Variants in TRPC1 observed in about 807,000 individuals in gnomAD.
TRPC1 encodes transient receptor potential cation channel subfamily C member 1.
In TRPC1, 42 loss-of-function variants were observed where a neutral mutation model predicts 88.2. That is an observed-to-expected ratio of 0.48 (90% CI 0.37 to 0.62). The LOEUF is 0.62. Among genes scored for constraint, TRPC1 ranks in the 20% least tolerant of loss-of-function variants. TRPC1 has a pLI of 0.00. For missense variants in TRPC1, 699 were observed against 957.3 expected, an observed-to-expected ratio of 0.73 and a Z score of 3.56; for synonymous variants, 288 against 331.8, an observed-to-expected ratio of 0.87 and a Z score of 1.43.
intron 9 of TRPC1, among the ~76,000 whole-genome samples, chr3:142,793,502 A>C (rs1308242206): frequency 6.6e-6 from 1 of 152,048 alleles, no homozygotes; most frequent in Non-Finnish European, 1.5e-5. Flanking sequence ...TATATTTTAT[A>C]ATACTTTATA....
chr3:142,760,543 A>C (rs530708505), intron 4 of TRPC1, among the ~76,000 whole-genome samples: 1 of 152,158 alleles, frequency 6.6e-6, no homozygotes, highest in Non-Finnish European at 1.5e-5. Flanking sequence ...CTTTTTGCTT[A>C]GGATTACTTT....
intron 6 of TRPC1, among the ~76,000 whole-genome samples, chr3:142,784,298 C>T (rs1936060566): frequency 7.5e-6 from 1 of 133,526 alleles, no homozygotes; most frequent in Admixed American, 6.9e-5. Flanking sequence ...GAAAAAATGG[C>T]TAAGTAAGCT....
At chr3:142,798,598 T>C (rs1456101141) in intron 9 of TRPC1, among the ~76,000 whole-genome samples, 1 of 152,142 alleles carries the variant, frequency 6.6e-6, no homozygotes, top group African/African-American at 2.4e-5. Context: ...CATGGTGTGC[T>C]TAGAGAAGAC....
At chr3:142,790,348 C>T (rs1352671267) in intron 7 of TRPC1, among the ~76,000 whole-genome samples, 5 of 152,078 alleles carry the variant, frequency 3.3e-5, no homozygotes, top group Non-Finnish European at 7.4e-5. Flanking sequence ...GGTTTTGATT[C>T]TGAGTAAAAT....
chr3:142,729,715 C>T (rs938257917), intron 1 of TRPC1, among the ~76,000 whole-genome samples: 2 of 152,124 alleles, frequency 1.3e-5, no homozygotes, highest in African/African-American at 4.8e-5. Context: ...ATATCTTCTT[C>T]ATTGCTAACT....
intron 4 of TRPC1, among the ~76,000 whole-genome samples, chr3:142,761,504 A>G (rs1185535537): frequency 1.3e-5 from 2 of 152,160 alleles, no homozygotes; most frequent in Admixed American, 6.5e-5. Flanking sequence ...TATTATATCA[A>G]TATATCAAAG....
intron 2 of TRPC1, among the ~76,000 whole-genome samples, chr3:142,738,259 T>A (rs1204910706): frequency 6.6e-6 from 1 of 152,242 alleles, no homozygotes; most frequent in African/African-American, 2.4e-5. Context: ...TCTAGTTCAC[T>A]GTGTTCTGTC....
intron 7 of TRPC1, among the ~76,000 whole-genome samples, chr3:142,789,239 C>T (rs1417978956): frequency 6.6e-6 from 1 of 152,080 alleles, no homozygotes; most frequent in Non-Finnish European, 1.5e-5. Context: ...TGTTTCTGCT[C>T]CACAGCTCTG....
chr3:142,781,096 G>A, intron 6 of TRPC1, 67 bp downstream of exon 6: 1 of 1,330,372 alleles, frequency 7.5e-7, no homozygotes, highest in Admixed American at 2.8e-5. Context: ...CAGGGCAAAG[G>A]CTTTGGAGTA....
chr3:142,764,679 C>A (rs1461982020), intron 4 of TRPC1, among the ~76,000 whole-genome samples: 1 of 151,900 alleles, frequency 6.6e-6, no homozygotes, highest in Non-Finnish European at 1.5e-5. Flanking sequence ...TTTTCTGTAG[C>A]TGATTTTAGG....
chr3:142,759,312 T>C (rs753486274), intron 4 of TRPC1, among the ~76,000 whole-genome samples: 63 of 152,328 alleles, frequency 4.1e-4, no homozygotes, highest in Middle Eastern at 3.4e-3. Context: ...AGTATTCCTG[T>C]TTCTCTACAT....
At chr3:142,800,368 T>C (rs1315464288) in intron 9 of TRPC1, among the ~76,000 whole-genome samples, 1 of 152,156 alleles carries the variant, frequency 6.6e-6, no homozygotes, top group Non-Finnish European at 1.5e-5. Flanking sequence ...TGGCAGAGTC[T>C]GGGTTACTAG....
intron 11 of TRPC1, 94 bp downstream of exon 11, chr3:142,804,272 A>T: frequency 8.2e-7 from 1 of 1,226,208 alleles, no homozygotes; most frequent in African/African-American, 1.5e-5. Flanking sequence ...GATTATAAGA[A>T]TTGAAAAATA....
chr3:142,791,032 A>C lies in TRPC1; in HGVS notation c.1311A>C (p.Ser437=). The part of the protein sequence containing the change: ...LILWIIGMIW[S]DIKRLWYEGL... ...TCCTTTTCTCAGGGATGATTTGGTC[A>C]GACATTAAAAGACTCTGGTATGAAG... The change falls in exon 8 of 13, where the codon TCA becomes TCC. Residue 437 remains serine (S), a synonymous_variant. Transcript: ENST00000476941. The C allele has an allele frequency of 6.3e-7, 1 of 1,594,472 alleles. No homozygotes were observed. The highest frequency in any genetic ancestry group is 8.5e-7 in the Non-Finnish European group (1 of 1,172,720).
intron 7 of TRPC1, among the ~76,000 whole-genome samples, chr3:142,786,831 G>A (rs1472794976): frequency 6.6e-6 from 1 of 152,046 alleles, no homozygotes; most frequent in East Asian, 1.9e-4. Flanking sequence ...CTATTGTTTA[G>A]TAGTAAGAAA....
intron 4 of TRPC1, among the ~76,000 whole-genome samples, chr3:142,770,919 C>G (rs1201979064): frequency 6.6e-6 from 1 of 152,154 alleles, no homozygotes; most frequent in Non-Finnish European, 1.5e-5. Context: ...AAACATAGTG[C>G]CAGCATCTGC....
intron 10 of TRPC1, among the ~76,000 whole-genome samples, chr3:142,803,391 A>G (rs979356453): frequency 1.3e-5 from 2 of 152,220 alleles, no homozygotes; most frequent in Admixed American, 6.5e-5. Flanking sequence ...TGTGGATGGA[A>G]TGTGTTGAAT....
chr3:142,763,974 A>ATATATATATATATATATATATG (rs1393442941), intron 4 of TRPC1, among the ~76,000 whole-genome samples: 1 of 68,750 alleles, frequency 1.5e-5, no homozygotes, highest in Non-Finnish European at 2.6e-5. Flanking sequence ...ATATATATAT[A>ATATATATATATATATATATATG]TATATATATA....
At chr3:142,747,147 G>C (rs1215393567) in intron 3 of TRPC1, among the ~76,000 whole-genome samples, 1 of 151,968 alleles carries the variant, frequency 6.6e-6, no homozygotes, top group Non-Finnish European at 1.5e-5. Context: ...TTTAATCATT[G>C]GTCCTTAGAA....
Sources: gnomAD v4.1 joint callset for allele counts (sites outside exome capture counted in the v4.1 genomes callset) on GRCh38, gnomAD v4.1.1 for gene constraint, MANE v1.5 for transcripts, NCBI Gene and HGNC (gene_info 2026-07-23, HGNC 2026-07-21) for gene names.